The following PSMD14 variants were observed in gnomAD, a reference collection of about 807,000 sequenced individuals.
The protein encoded by PSMD14 is proteasome 26S subunit, non-ATPase 14.
In PSMD14, 7 loss-of-function variants were observed where a neutral mutation model predicts 41.2. That is an observed-to-expected ratio of 0.17 (90% confidence interval 0.10 to 0.32). The LOEUF (loss-of-function observed/expected upper bound fraction) is 0.32. PSMD14 is among the 10% of genes least tolerant of loss of function. The pLI is 1.00. For missense variants in PSMD14, 139 were observed against 375.6 expected, an observed-to-expected ratio of 0.37 and a Z score of 5.21; for synonymous variants, 114 against 122.3, an observed-to-expected ratio of 0.93 and a Z score of 0.45.
chr2:161,352,430 T>G (rs1202439625), intron 3 of PSMD14, among the ~76,000 whole-genome samples: 1 of 152,218 alleles, frequency 6.6e-6, no homozygotes, highest in Non-Finnish European at 1.5e-5. Flanking sequence ...CTTGCTTTTA[T>G]TATATTACCA....
intron 9 of PSMD14, among the ~76,000 whole-genome samples, chr2:161,391,900 A>G (rs1574139859): frequency 1.3e-5 from 2 of 152,158 alleles, no homozygotes; most frequent in Admixed American, 6.5e-5. Context: ...CACCCAGCCT[A>G]GTGCTTTTAG....
At chr2:161,407,788 G>A (rs1683971408) in intron 10 of PSMD14, 1 of 151,810 alleles carries the variant, frequency 6.6e-6, no homozygotes, top group Non-Finnish European at 1.5e-5. Flanking sequence ...TCTTTTTGTG[G>A]TAAATGCTGT....
intron 3 of PSMD14, among the ~76,000 whole-genome samples, chr2:161,334,965 C>G (rs998269187): frequency 4.6e-5 from 7 of 152,320 alleles, no homozygotes; most frequent in African/African-American, 1.7e-4. Flanking sequence ...TAGATGAATG[C>G]TTAGTGAAAT....
At position 161,391,175 on chromosome 2, in the gene PSMD14, G is replaced by T; in HGVS notation, c.642G>T (p.Gln214His). ...TINYRKNELE[Q>H]KMLLNLHKKS... ...ACTATCGGAAAAATGAACTGGAACA[G>T]AAGGTAAGTTTAAATTTTTATCTTA... is the stretch of plus-strand genomic sequence containing the variant. Residue 214 changes from glutamine (Q) to histidine (H), a missense_variant, in exon 9 of 12, where the codon CAG becomes CAT. Physicochemically the swap from Gln to His is conservative, Grantham distance 24. Transcript: ENST00000409682. 1 of 1,517,628 alleles carries T rather than the reference G, an allele frequency of 6.6e-7. No individual in the cohort carries two copies. Among genetic ancestry groups the T allele is most frequent in the African/African-American group, 1.4e-5 (1 of 71,812 alleles). The allele number at this position is 1,517,628 out of a possible 1,614,324, so 94.0% of individuals were successfully genotyped here.
chr2:161,357,076 C>CTTTTTTTCTTTTTTTTTTTTTTTTTTTTT (rs1683217761), intron 3 of PSMD14, among the ~76,000 whole-genome samples: 1 of 124,192 alleles, frequency 8.1e-6, no homozygotes, highest in African/African-American at 3.2e-5. Flanking sequence ...TGGCAAATGC[C>CTTTTTTTCTTTTTTTTTTTTTTTTTTTTT]TTTTTTTTTT....
Position 161,411,462 on chromosome 2 carries a change from C to A in PSMD14, c.*62C>A. The A allele has an allele frequency of 8.1e-7, 1 of 1,229,584 alleles. No homozygotes were observed. Among genetic ancestry groups the A allele is most frequent in the East Asian group, 2.6e-5 (1 of 38,396 alleles). The allele number at this position is 1,229,584 out of a possible 1,614,324, so 76.2% of individuals were successfully genotyped here. On this transcript the variant is annotated 3_prime_UTR_variant, in exon 12 of 12. Coordinates refer to ENST00000409682, the MANE Select transcript of PSMD14 (RefSeq NM_005805.6). ...ATATTCCTCTGTTGTTCCTAATGCT[C>A]AAAATCAAGGGACCTCTGAAGGTGT...
intron 8 of PSMD14, among the ~76,000 whole-genome samples, chr2:161,387,886 A>C (rs1683654842): frequency 6.6e-6 from 1 of 152,058 alleles, no homozygotes; most frequent in South Asian, 2.1e-4. Context: ...CATGTTTTAT[A>C]TAATAGAAGC....
chr2:161,406,517 T>C (rs1398769070), intron 10 of PSMD14, among the ~76,000 whole-genome samples: 2 of 152,140 alleles, frequency 1.3e-5, no homozygotes, highest in Non-Finnish European at 1.5e-5. Context: ...TTTCTTACGT[T>C]TTTCCTGGTA....
intron 3 of PSMD14, among the ~76,000 whole-genome samples, chr2:161,352,257 T>G (rs1250598119): frequency 6.6e-6 from 1 of 152,168 alleles, no homozygotes; most frequent in African/African-American, 2.4e-5. Context: ...AAAAGATTCC[T>G]GAGCCTCAAT....
At chr2:161,377,317 C>G (rs1574135480) in intron 7 of PSMD14, among the ~76,000 whole-genome samples, 2 of 151,946 alleles carry the variant, frequency 1.3e-5, no homozygotes, top group Non-Finnish European at 2.9e-5. Flanking sequence ...TGACATAGCT[C>G]TATGAGCATA....
chr2:161,340,705 T>C, intron 3 of PSMD14: 2 of 1,558,696 alleles, frequency 1.3e-6, no homozygotes, highest in African/African-American at 1.4e-5. Context: ...GGAGGCAGCA[T>C]GCACCCTGGG....
chr2:161,323,327 T>C (rs1340339202), intron 3 of PSMD14, among the ~76,000 whole-genome samples: 3 of 152,220 alleles, frequency 2.0e-5, no homozygotes, highest in African/African-American at 4.8e-5. Flanking sequence ...TGTCCATTCC[T>C]ACAAAACAAC....
At chr2:161,316,272 C>T (rs1047464295) in intron 1 of PSMD14, among the ~76,000 whole-genome samples, 165 bp from the exon 2 acceptor site, 2 of 152,106 alleles carry the variant, frequency 1.3e-5, no homozygotes, top group African/African-American at 4.8e-5. Context: ...CTCTGTAGCT[C>T]CCTGTAAGGG....
rs749175543 is a variant in PSMD14 at position 161,391,154 on chromosome 2, T to C, written c.621T>C (p.Tyr207=). ...ATTATTACTCCATTACTATTAACTATCGGAAAAATGAACTGGAACAGAAGG... is the reference window on the plus strand; with the variant it reads ...ATTATTACTCCATTACTATTAACTACCGGAAAAATGAACTGGAACAGAAGG... ...NRHYYSITIN[Y]RKNELEQKML... The change falls in exon 9 of 12, where the codon TAT becomes TAC. Residue 207 remains tyrosine (Y), a synonymous_variant. Coordinates refer to ENST00000409682, the MANE Select transcript of PSMD14 (RefSeq NM_005805.6). The C allele has an allele frequency of 6.5e-7, 1 of 1,535,712 alleles. No homozygotes were observed. Among genetic ancestry groups the C allele is most frequent in the African/African-American group, 1.4e-5 (1 of 72,480 alleles).
intron 3 of PSMD14, among the ~76,000 whole-genome samples, chr2:161,325,251 A>G (rs1682676221): frequency 6.6e-6 from 1 of 152,174 alleles, no homozygotes; most frequent in African/African-American, 2.4e-5. Context: ...GTGATCCCAG[A>G]AGGCTTCCTG....
intron 5 of PSMD14, 101 bp downstream of exon 5, chr2:161,368,004 A>G: frequency 7.6e-7 from 1 of 1,311,990 alleles, no homozygotes; most frequent in Non-Finnish European, 1.0e-6. Flanking sequence ...TTCTCTTTCC[A>G]GTAGGAAAAA....
intron 3 of PSMD14, among the ~76,000 whole-genome samples, chr2:161,348,134 A>T (rs923501060): frequency 1.3e-5 from 2 of 152,238 alleles, no homozygotes; most frequent in Non-Finnish European, 2.9e-5. Context: ...GTTAACAATG[A>T]AGATTTGACT....
intron 7 of PSMD14, among the ~76,000 whole-genome samples, chr2:161,371,857 TA>T (rs1683438857): frequency 6.6e-6 from 1 of 152,150 alleles, no homozygotes; most frequent in Non-Finnish European, 1.5e-5. Flanking sequence ...ATATGCTAAA[TA>T]ATTCTGAAAA....
intron 3 of PSMD14, among the ~76,000 whole-genome samples, chr2:161,358,145 C>G (rs1284913474): frequency 6.6e-6 from 1 of 151,872 alleles, no homozygotes; most frequent in Admixed American, 6.6e-5. Flanking sequence ...TTTTTTTAAC[C>G]TCACTTTACC....
Sources: allele counts gnomAD v4.1 joint callset (sites outside exome capture counted in the v4.1 genomes callset), GRCh38; gene constraint gnomAD v4.1.1; transcripts MANE v1.5; gene names NCBI Gene and HGNC (gene_info 2026-07-23, HGNC 2026-07-21).